PLPP1: variants seen among roughly 807,000 people sequenced by gnomAD.
The protein encoded by PLPP1 is lipid phosphate phosphohydrolase 1a.
A neutral mutation model predicts 31.2 loss-of-function variants in PLPP1; 24 were observed. That is an observed-to-expected ratio of 0.77 (90% CI 0.56 to 1.08). PLPP1 has a LOEUF of 1.08. Among genes scored for constraint, PLPP1 ranks in the 50% least tolerant of loss-of-function variants. The probability of loss-of-function intolerance (pLI) is 0.00; values close to 1 mark genes in which losing one functional copy is unlikely to be tolerated. For missense variants in PLPP1, 319 were observed against 342.7 expected (o/e 0.93, Z 0.55); for synonymous variants, 146 against 126.3 (o/e 1.16, Z -1.05).
At chr5:55,459,978 C>T (rs1018839356) in intron 3 of PLPP1, among the ~76,000 whole-genome samples, 1 of 152,106 alleles carries the variant, frequency 6.6e-6, no homozygotes, top group Non-Finnish European at 1.5e-5. Flanking sequence ...ATTTTCTTTT[C>T]TCTACCACAC....
rs765274239 is a variant in PLPP1 at position 55,500,338 on chromosome 5, C to T, written c.59-24888G>A. Among the ~76,000 whole-genome samples, 33 of 152,102 alleles carry T rather than the reference C, an allele frequency of 2.2e-4. 1 individual carries two copies. The highest frequency in any genetic ancestry group is 1.7e-3 in the Admixed American group (26 of 15,268). ...TCATGAACCCCCTGCCTCAGCCTCC[C>T]AAAGTCTTGGGATTACAGGCGTGAG... On this transcript the variant is annotated intron_variant, in intron 1 of 5. Transcript: ENST00000307259.
intron 3 of PLPP1, among the ~76,000 whole-genome samples, chr5:55,460,238 G>C (rs1258686244): frequency 6.6e-6 from 1 of 151,938 alleles, no homozygotes; most frequent in Non-Finnish European, 1.5e-5. Context: ...CACAGCTAGT[G>C]ATCTAAGCAT....
At chr5:55,441,986 T>A in intron 3 of PLPP1, 78 bp from the exon 4 acceptor site, 1 of 1,415,032 alleles carries the variant, frequency 7.1e-7, no homozygotes, top group Non-Finnish European at 9.9e-7. Flanking sequence ...ATCTGCTCCT[T>A]AGTTTCAGAG....
chr5:55,480,861 A>C, intron 1 of PLPP1, among the ~76,000 whole-genome samples: 1 of 152,212 alleles, frequency 6.6e-6, no homozygotes, highest in East Asian at 1.9e-4. Context: ...AGAAATTGCC[A>C]AACTGTTTTC....
chr5:55,440,917 AT>A (rs1218672624), intron 4 of PLPP1, among the ~76,000 whole-genome samples: 23 of 152,196 alleles, frequency 1.5e-4, no homozygotes, highest in Admixed American at 1.5e-3. Context: ...ACACAACTGT[AT>A]AAAAATCCCC....
At chr5:55,443,192 A>AAAAATATAT in intron 3 of PLPP1, among the ~76,000 whole-genome samples, 17 of 25,434 alleles carry the variant, frequency 6.7e-4, no homozygotes, top group African/African-American at 1.6e-3. Context: ...AAAAAAAAAA[A>AAAAATATAT]ATATATATAT....
At chr5:55,499,976 T>C (rs1469265180) in intron 1 of PLPP1, among the ~76,000 whole-genome samples, 1 of 151,226 alleles carries the variant, frequency 6.6e-6, no homozygotes, top group Non-Finnish European at 1.5e-5. Flanking sequence ...TATGGAAAAA[T>C]TAAAAATTAA....
At chr5:55,529,560 A>G (rs1211739784) in intron 1 of PLPP1, among the ~76,000 whole-genome samples, 2 of 152,166 alleles carry the variant, frequency 1.3e-5, no homozygotes, top group Non-Finnish European at 2.9e-5. Context: ...CAAAAAGAAA[A>G]TATCTTTACA....
chr5:55,433,691 G>C (rs963973426), intron 4 of PLPP1, among the ~76,000 whole-genome samples: 1 of 150,320 alleles, frequency 6.7e-6, no homozygotes, highest in African/African-American at 2.4e-5. Flanking sequence ...AACAGAGACG[G>C]TTTCACTGTG....
chr5:55,521,380 G>C (rs1753664216), intron 1 of PLPP1, among the ~76,000 whole-genome samples: 1 of 150,354 alleles, frequency 6.7e-6, no homozygotes, highest in South Asian at 2.1e-4. Context: ...GGCCAGGCAT[G>C]GTGGTGCACA....
chr5:55,451,592 C>G (rs918164825), intron 3 of PLPP1, among the ~76,000 whole-genome samples: 1 of 150,724 alleles, frequency 6.6e-6, no homozygotes, highest in Non-Finnish European at 1.5e-5. Flanking sequence ...GACAGAGTCT[C>G]ACTCTGTCGC....
chr5:55,432,548 A>G (rs891088847), intron 4 of PLPP1, among the ~76,000 whole-genome samples: 23 of 152,220 alleles, frequency 1.5e-4, no homozygotes, highest in African/African-American at 5.5e-4. Context: ...CATTACCCTG[A>G]TACGAAAAAC....
chr5:55,438,106 G>A (rs1026117783), intron 4 of PLPP1, among the ~76,000 whole-genome samples: 1 of 152,124 alleles, frequency 6.6e-6, no homozygotes, highest in African/African-American at 2.4e-5. Flanking sequence ...TAAACAATCT[G>A]GGGTTACAGC....
At chr5:55,518,329 C>T (rs1404543855) in intron 1 of PLPP1, among the ~76,000 whole-genome samples, 1 of 151,892 alleles carries the variant, frequency 6.6e-6, no homozygotes, top group Non-Finnish European at 1.5e-5. Context: ...CTGGGTTAGT[C>T]TCATACAGCA....
chr5:55,502,836 T>C (rs1023667643), intron 1 of PLPP1, among the ~76,000 whole-genome samples: 1 of 151,984 alleles, frequency 6.6e-6, no homozygotes, highest in Non-Finnish European at 1.5e-5. Context: ...AAAAAAAAAC[T>C]CCCCCACGTG....
chr5:55,469,776 T>C (rs185888117), intron 2 of PLPP1, among the ~76,000 whole-genome samples: 90 of 152,338 alleles, frequency 5.9e-4, no homozygotes, highest in Non-Finnish European at 8.4e-4. Context: ...CTAAAATCCT[T>C]TCCTTACCTG....
chr5:55,450,280 T>G (rs540331283), intron 3 of PLPP1, among the ~76,000 whole-genome samples: 2 of 152,202 alleles, frequency 1.3e-5, no homozygotes, highest in African/African-American at 2.4e-5. Flanking sequence ...CTACAGATAT[T>G]AGGTCATAAA....
chr5:55,495,614 A>G (rs7723462), intron 1 of PLPP1, among the ~76,000 whole-genome samples: 102,667 of 151,916 alleles, frequency 0.68, 36,201 homozygotes, highest in Non-Finnish European at 0.8. Context: ...CTAATACAAC[A>G]ATGGTATCTT....
chr5:55,426,230 T>G (rs1235014505), intron 4 of PLPP1, among the ~76,000 whole-genome samples, 191 bp from the exon 5 acceptor site: 1 of 152,170 alleles, frequency 6.6e-6, no homozygotes, highest in Non-Finnish European at 1.5e-5. Context: ...ATTGCCCTAC[T>G]AACTTGTTCA....
Sources: allele counts gnomAD v4.1 joint callset (sites outside exome capture counted in the v4.1 genomes callset), GRCh38; gene constraint gnomAD v4.1.1; transcripts MANE v1.5; gene names NCBI Gene and HGNC (gene_info 2026-07-23, HGNC 2026-07-21).